Variants in TULP1 observed in about 807,000 individuals in gnomAD.
The protein encoded by TULP1 is tubby-related protein 1.
In TULP1, 50 loss-of-function variants were observed where a neutral mutation model predicts 67.1. The observed-to-expected ratio is 0.75, with a 90% confidence interval of 0.59 to 0.94. The LOEUF (loss-of-function observed/expected upper bound fraction) is 0.94. TULP1 is among the 40% of genes least tolerant of loss of function. The probability of loss-of-function intolerance (pLI) is 0.00; values close to 1 mark genes in which losing one functional copy is unlikely to be tolerated. For missense variants in TULP1, 746 were observed against 734.1 expected, an observed-to-expected ratio of 1.02 and a Z score of -0.19; for synonymous variants, 297 against 294.0, an observed-to-expected ratio of 1.01 and a Z score of -0.11.
intron 1 of TULP1, 51 bp downstream of exon 1, chr6:35,512,761 C>T: frequency 6.7e-7 from 1 of 1,488,506 alleles, no homozygotes; most frequent in Non-Finnish European, 9.2e-7. Flanking sequence ...CCCCATCCCT[C>T]CATCTAGGCC....
At chr6:35,500,951 T>C (rs1215646388) in intron 13 of TULP1, among the ~76,000 whole-genome samples, 4 of 152,188 alleles carry the variant, frequency 2.6e-5, no homozygotes. Context: ...ACTGGTGCCC[T>C]GCAGATCAGC....
chr6:35,512,023 A>T (rs1482003834), intron 3 of TULP1, 157 bp downstream of exon 3: 2 of 433,988 alleles, frequency 4.6e-6, no homozygotes, highest in East Asian at 3.6e-5. Context: ...ACCAACCCCA[A>T]CCCCAACCCC....
rs752363121 is a variant in TULP1, at chr6:35,509,714, G to A, written c.638C>T (p.Pro213Leu). 1 of 1,614,036 alleles carries A rather than the reference G, an allele frequency of 6.2e-7. No homozygotes were observed. Among genetic ancestry groups the A allele is most frequent in the Admixed American group, 1.7e-5 (1 of 59,990 alleles). ...TGCTGGGCTCTTCCTCGCACTGGCTGGGCTCCCTGAGGGGTCCTTGTCGGC... is the reference window on the plus strand; with the variant it reads ...TGCTGGGCTCTTCCTCGCACTGGCTAGGCTCCCTGAGGGGTCCTTGTCGGC... ...GEADKDPSGS[P>L]ASARKSPAAM... Residue 213 changes from proline to leucine, a missense_variant, in exon 7 of 15, where the codon CCA (proline) becomes CTA (leucine). Pro to Leu is a moderately conservative substitution (Grantham distance 98). This residue lies in a region of TULP1 where 359 missense variants were observed against 341.9 expected (regional missense o/e 1.05). Coordinates refer to ENST00000229771, the MANE Select transcript of TULP1 (RefSeq NM_003322.6).
In TULP1 at chr6:35,498,580, A is replaced by G; in HGVS notation, c.1496-120T>C. The G allele has an allele frequency of 1.4e-6, 2 of 1,463,042 alleles. No individual in the cohort carries two copies. Among genetic ancestry groups the G allele is most frequent in the South Asian group, 2.5e-5 (2 of 81,224 alleles). The allele number at this position is 1,463,042 out of a possible 1,614,324, so 90.6% of individuals were successfully genotyped here. ...TGCCTTGGGGCTCCAACCCTCAGCC[A>G]CCATCTCAGTTACTCAACACCCATC... On this transcript the variant is annotated intron_variant, in intron 14 of 14. Coordinates refer to ENST00000229771, the MANE Select transcript of TULP1 (RefSeq NM_003322.6). This position sits in a 1 kb window ranked among gnomAD's most constrained non-coding sequence, Gnocchi z 6.7.
rs773954670 is a variant in TULP1, at chr6:35,511,737, A to T, written c.260T>A (p.Val87Asp). ...GGGGTCCCTGAGGAACCTGGCGTAG[A>T]CCGTCTGCGGCGCCCGGGCCTGGGC... The part of the protein sequence containing the change: ...DPAQARAPQT[V>D]YARFLRDPEA... The change falls in exon 4 of 15, where the codon GTC (valine) becomes GAC (aspartate). Residue 87 changes from valine to aspartate, a missense_variant. Physicochemically the swap from Val to Asp is radical, Grantham distance 152 (BLOSUM62 -3). Coordinates refer to ENST00000229771, the MANE Select transcript of TULP1 (RefSeq NM_003322.6). The T allele has an allele frequency of 6.3e-7, 1 of 1,587,720 alleles. No homozygotes were observed. The highest frequency in any genetic ancestry group is 8.6e-7 in the Non-Finnish European group (1 of 1,167,662).
At chr6:35,505,716 C>G (rs575511734) in intron 11 of TULP1, 25 bp downstream of exon 11, 7 of 1,613,286 alleles carry the variant, frequency 4.3e-6, no homozygotes, top group Non-Finnish European at 5.9e-6. Context: ...CCAAGTCCCC[C>G]CAGCCCCAGG....
Position 35,503,578 on chromosome 6 carries a change from A to G in TULP1, c.1304T>C (p.Val435Ala). ...GCTCACATTTCGGGGCCGGATGGGG[A>G]CCCTCTCGTTCTCCGCACTCATGCC... ...IPGMSAENER[V>A]PIRPRNASDG... Residue 435 changes from valine to alanine, a missense_variant, in exon 13 of 15, where the codon GTC becomes GCC. Around this residue, in one of 3 missense-constraint regions of TULP1, gnomAD observed 383 missense variants for 374.1 expected, o/e 1.02. Transcript: ENST00000229771. The surrounding 1 kb of genome is among the most constrained non-coding windows in gnomAD (Gnocchi z 4.0). The G allele has an allele frequency of 6.3e-7, 1 of 1,581,064 alleles. No individual in the cohort carries two copies. The highest frequency in any genetic ancestry group is 1.3e-5 in the African/African-American group (1 of 74,150).
In TULP1 at chr6:35,512,877, A is replaced by T; in HGVS notation, c.-19T>A. 1 of 1,610,844 alleles carries T rather than the reference A, an allele frequency of 6.2e-7. No individual in the cohort carries two copies. ...GAGGCATGGTGCCTTTGCCTATCGC[A>T]CCCCTTTCTCTGCAGGTCTAGGAGC... On this transcript the variant is annotated 5_prime_UTR_variant, in exon 1 of 15. Transcript: ENST00000229771.
chr6:35,503,523 A>G lies in TULP1; in HGVS notation c.1323+36T>C, dbSNP rs1444199787. 1.9e-6 allele frequency: 3 copies of G among 1,547,324 alleles called. No individual in the cohort carries two copies. The African/African-American group carries it at 4.1e-5, about 21-fold the overall frequency. ...CTGAGCCCCGACTCCTGTTTCTCAC[A>G]TAGGGAGCCAGGGGCCAGGGAGGTG... On this transcript the variant is annotated intron_variant, in intron 13 of 14. Coordinates refer to ENST00000229771, the MANE Select transcript of TULP1 (RefSeq NM_003322.6). The surrounding 1 kb of genome is among the most constrained non-coding windows in gnomAD (Gnocchi z 4.0).
At chr6:35,512,321 G>GCA in intron 2 of TULP1, 51 bp from the exon 3 acceptor site, 1 of 941,074 alleles carries the variant, frequency 1.1e-6, no homozygotes, top group Non-Finnish European at 1.5e-6. Context: ...GGGGCGCTGA[G>GCA]GCCCGCCCAT....
intron 4 of TULP1, among the ~76,000 whole-genome samples, chr6:35,511,324 T>C (rs1363316749): frequency 6.6e-6 from 1 of 152,138 alleles, no homozygotes; most frequent in Non-Finnish European, 1.5e-5. Flanking sequence ...CTGCATCCAC[T>C]GTGCTTCTCC....
At chr6:35,504,376 C>T (rs1447480267) in intron 11 of TULP1, among the ~76,000 whole-genome samples, 1 of 152,074 alleles carries the variant, frequency 6.6e-6, no homozygotes, top group African/African-American at 2.4e-5. Flanking sequence ...GCTGAATCTA[C>T]AAGGAGACTA....
At chr6:35,510,816 C>T (rs201247099) in intron 5 of TULP1, 45 bp downstream of exon 5, 22 of 1,611,960 alleles carry the variant, frequency 1.4e-5, no homozygotes, top group Middle Eastern at 3.3e-4. Flanking sequence ...AAGGACAGGG[C>T]TGTTCTGCTT....
At chr6:35,505,671 A>G in intron 11 of TULP1, 70 bp downstream of exon 11, 1 of 1,591,788 alleles carries the variant, frequency 6.3e-7, no homozygotes. Flanking sequence ...CAGGCACAGC[A>G]GGACAGAGAT....
intron 5 of TULP1, among the ~76,000 whole-genome samples, chr6:35,510,522 T>A (rs1025359501): frequency 6.6e-6 from 1 of 152,206 alleles, no homozygotes; most frequent in Non-Finnish European, 1.5e-5. Flanking sequence ...TGATTTCTTT[T>A]TACTGTAATC....
At chr6:35,511,143 G>A (rs1234950856) in intron 4 of TULP1, 133 bp from the exon 5 acceptor site, 8 of 1,529,112 alleles carry the variant, frequency 5.2e-6, no homozygotes, top group Non-Finnish European at 7.0e-6. Flanking sequence ...AACAAGAACC[G>A]GAGACCTGGC....
At chr6:35,512,540 G>T in intron 2 of TULP1, 99 bp downstream of exon 2, 1 of 1,515,186 alleles carries the variant, frequency 6.6e-7, no homozygotes, top group Non-Finnish European at 9.1e-7. Flanking sequence ...CCCAGACCCT[G>T]CTAAGGGGGA....
rs371177900 is a variant in TULP1 at position 35,512,859 on chromosome 6, G to A, written c.-1C>T. On this transcript the variant is annotated 5_prime_UTR_variant, in exon 1 of 15. Coordinates refer to ENST00000229771, the MANE Select transcript of TULP1 (RefSeq NM_003322.6). Reference sequence around the variant, plus strand: ...GGAGGGTTTCATCCCGCAGAGGCATGGTGCCTTTGCCTATCGCACCCCTTT... The same window carrying A: ...GGAGGGTTTCATCCCGCAGAGGCATAGTGCCTTTGCCTATCGCACCCCTTT... The A allele has an allele frequency of 1.2e-6, 2 of 1,612,610 alleles. No homozygotes were observed. Among genetic ancestry groups the A allele is most frequent in the Non-Finnish European group, 1.7e-6 (2 of 1,179,976 alleles).
At chr6:35,504,205 G>A (rs1761033421) in intron 11 of TULP1, 4 of 290,326 alleles carry the variant, frequency 1.4e-5, no homozygotes, top group South Asian at 1.1e-4. Context: ...TAGGCACGGT[G>A]GCATGTGCCT....
Sources: allele counts gnomAD v4.1 joint callset (sites outside exome capture counted in the v4.1 genomes callset), GRCh38; gene constraint gnomAD v4.1.1; regional missense constraint gnomAD v4.1.1; non-coding constraint Gnocchi (gnomAD v3.1); transcripts MANE v1.5; gene names NCBI Gene and HGNC (gene_info 2026-07-23, HGNC 2026-07-21).